LPCAT1: variants seen among roughly 807,000 people sequenced by gnomAD.
LPCAT1 encodes lysophosphatidylcholine acyltransferase 1, also known as 1-acylglycerol-3-phosphate O-acyltransferase.
In LPCAT1, 23 loss-of-function variants were observed where a neutral mutation model predicts 60.9. The observed-to-expected ratio is 0.38, with a 90% confidence interval of 0.27 to 0.53. The LOEUF (loss-of-function observed/expected upper bound fraction) is 0.53, where lower values mean the gene tolerates loss of function less well. LPCAT1 is among the 20% of genes least tolerant of loss of function. The pLI is 0.82. For synonymous variants in LPCAT1, 340 were observed against 301.1 expected, an observed-to-expected ratio of 1.13 and a Z score of -1.34; for missense variants, 622 against 723.6, an observed-to-expected ratio of 0.86 and a Z score of 1.61.
At chr5:1,499,515 C>T (rs1735928520) in intron 2 of LPCAT1, among the ~76,000 whole-genome samples, 1 of 152,212 alleles carries the variant, frequency 6.6e-6, no homozygotes, top group Non-Finnish European at 1.5e-5. Flanking sequence ...ATTTGATACC[C>T]AATTCCTATT....
chr5:1,496,611 C>G lies in LPCAT1; in HGVS notation c.279-1697G>C, dbSNP rs982164896. On this transcript the variant is annotated intron_variant, in intron 2 of 13. Transcript: ENST00000283415. This position sits in a 1 kb window ranked among gnomAD's most constrained non-coding sequence, Gnocchi z 4.7. ...AAAAGGGATTAAAACCCGGGCGGCCCTTAGAGGAACACACCTGCCAGCCCC... is the reference window on the plus strand; with the variant it reads ...AAAAGGGATTAAAACCCGGGCGGCCGTTAGAGGAACACACCTGCCAGCCCC... 3.3e-5 allele frequency among the ~76,000 whole-genome samples: 5 copies of G among 152,048 alleles called. No individual in the cohort carries two copies. The highest frequency in any genetic ancestry group is 1.3e-4 in the Admixed American group (2 of 15,270).
rs376867191 is a variant in LPCAT1 at position 1,496,898 on chromosome 5, C to T, written c.279-1984G>A. Reference sequence around the variant, plus strand: ...CAGGGTGCTCAGGTGCCTGGGCAGCCCATTCCCAGGGGAATGTGAATCAGG... The same window carrying T: ...CAGGGTGCTCAGGTGCCTGGGCAGCTCATTCCCAGGGGAATGTGAATCAGG... On this transcript the variant is annotated intron_variant, in intron 2 of 13. Coordinates refer to ENST00000283415, the MANE Select transcript of LPCAT1 (RefSeq NM_024830.5). This position sits in a 1 kb window ranked among gnomAD's most constrained non-coding sequence, Gnocchi z 4.7. Among the ~76,000 whole-genome samples, 6 of 152,174 alleles carry T rather than the reference C, an allele frequency of 3.9e-5. No individual in the cohort carries two copies. Among genetic ancestry groups the T allele is most frequent in the African/African-American group, 1.4e-4 (6 of 41,434 alleles).
Position 1,470,852 on chromosome 5 carries a change from G to C in LPCAT1, c.1252C>G (p.Leu418Val). 1 of 1,613,744 alleles carries C rather than the reference G, an allele frequency of 6.2e-7. No individual in the cohort carries two copies. The highest frequency in any genetic ancestry group is 1.1e-5 in the South Asian group (1 of 91,084). Residue 418 changes from leucine to valine, a missense_variant, in exon 12 of 14, where the codon CTG (leucine) becomes GTG (valine). Coordinates refer to ENST00000283415, the MANE Select transcript of LPCAT1 (RefSeq NM_024830.5). Reference sequence around the variant, plus strand: ...TTGAAAGCCAGCTGGATGGTGTCCAGGGTCCGGGCCGGCCGGCAGACGACA... The same window carrying C: ...TTGAAAGCCAGCTGGATGGTGTCCACGGTCCGGGCCGGCCGGCAGACGACA... ...LSVVCRPART[L>V]DTIQLAFKMY... is the part of the protein sequence containing the mutation.
intron 1 of LPCAT1, among the ~76,000 whole-genome samples, chr5:1,512,365 C>T (rs987651153): frequency 2.6e-5 from 4 of 152,302 alleles, no homozygotes; most frequent in Middle Eastern, 3.4e-3. Flanking sequence ...GGTCACAAGG[C>T]CCCGGCCCAA....
At position 1,523,795 on chromosome 5, in the gene LPCAT1, C is replaced by T; in HGVS notation, c.50G>A (p.Gly17Glu). ...CGCCAGCAGCCGAGCGTCGCTGGCC[C>T]CTGCGCTGGAGGCAGGGGCGGCCCG... ...GPRAAPASSA[G>E]ASDARLLAPP... is the part of the protein sequence containing the mutation. Residue 17 changes from glycine (G) to glutamate (E), a missense_variant, in exon 1 of 14, where the codon GGG becomes GAG. Transcript: ENST00000283415. The surrounding 1 kb of genome is among the most constrained non-coding windows in gnomAD (Gnocchi z 7.1). 1 of 1,116,204 alleles carries T rather than the reference C, an allele frequency of 9.0e-7. No individual in the cohort carries two copies. The highest frequency in any genetic ancestry group is 4.0e-4 in the Middle Eastern group (1 of 2,530). 69.1% of individuals were successfully genotyped at this position (1,116,204 alleles called of 1,614,324 possible).
Position 1,523,646 on chromosome 5 carries a change from TC to T in LPCAT1, c.135+63del. 1 of 1,035,730 alleles carries T rather than the reference TC, an allele frequency of 9.7e-7. No individual in the cohort carries two copies. The highest frequency in any genetic ancestry group is 4.3e-5 in the South Asian group (1 of 23,368). 64.2% of individuals were successfully genotyped at this position (1,035,730 alleles called of 1,614,324 possible). A position where few individuals can be genotyped will look rare whatever the true frequency, so the allele number is the denominator to read the frequency against. On this transcript the variant is annotated intron_variant, in intron 1 of 13. Coordinates refer to ENST00000283415, the MANE Select transcript of LPCAT1 (RefSeq NM_024830.5). The surrounding 1 kb of genome is among the most constrained non-coding windows in gnomAD (Gnocchi z 7.1). ...TCCCCGGCCCCTCCTCGGCCGCGCC[TC>T]CCTGGCCCCAGCATCCCTGGCGTCC... is the stretch of plus-strand genomic sequence containing the variant.
At chr5:1,471,569 G>A (rs1734669454) in intron 11 of LPCAT1, among the ~76,000 whole-genome samples, 1 of 152,230 alleles carries the variant, frequency 6.6e-6, no homozygotes. Context: ...CAGGGCGGGA[G>A]GAGGTGAGGA....
intron 1 of LPCAT1, among the ~76,000 whole-genome samples, chr5:1,509,967 C>T (rs1410468249): frequency 6.6e-6 from 1 of 152,184 alleles, no homozygotes; most frequent in Non-Finnish European, 1.5e-5. Flanking sequence ...GGCCACATCA[C>T]GGGGACGGTT....
intron 1 of LPCAT1, 85 bp from the exon 2 acceptor site, chr5:1,501,688 C>A: frequency 1.5e-6 from 2 of 1,364,076 alleles, no homozygotes; most frequent in Non-Finnish European, 2.1e-6. Context: ...CCCAGGGGGA[C>A]AGCGCGCCCC....
intron 13 of LPCAT1, among the ~76,000 whole-genome samples, chr5:1,464,443 G>A (rs1197799205): frequency 6.6e-6 from 1 of 152,170 alleles, no homozygotes; most frequent in Non-Finnish European, 1.5e-5. Flanking sequence ...AGAAATCCAG[G>A]GATGGTTGTT....
rs982807963 is a variant in LPCAT1, at chr5:1,477,025, C to T, written c.899+379G>A. 2.0e-5 allele frequency among the ~76,000 whole-genome samples: 3 copies of T among 152,172 alleles called. No individual in the cohort carries two copies. The highest frequency in any genetic ancestry group is 4.4e-5 in the Non-Finnish European group (3 of 68,034). On this transcript the variant is annotated intron_variant, in intron 9 of 13. Coordinates refer to ENST00000283415, the MANE Select transcript of LPCAT1 (RefSeq NM_024830.5). The surrounding 1 kb of genome is among the most constrained non-coding windows in gnomAD (Gnocchi z 6.0). ...ACTCTGCCAGATAGAGTAAGGGCAC[C>T]GGTAAGTATCACACAGGCAGATGAG...
chr5:1,488,275 G>A, intron 5 of LPCAT1, 116 bp downstream of exon 5: 3 of 610,096 alleles, frequency 4.9e-6, no homozygotes, highest in Admixed American at 3.2e-5. Flanking sequence ...AAGAACCCCA[G>A]CACACAGGAT....
Position 1,480,466 on chromosome 5 carries a change from C to T in LPCAT1, c.761+476G>A, listed in dbSNP as rs1262252620. 2.9e-6 allele frequency: 2 copies of T among 680,294 alleles called. No individual in the cohort carries two copies. Among genetic ancestry groups the T allele is most frequent in the Non-Finnish European group, 3.6e-6 (2 of 551,426 alleles). The allele number at this position is 680,294 out of a possible 1,614,324, so 42.1% of individuals were successfully genotyped here. A position where few individuals can be genotyped will look rare whatever the true frequency, so the allele number is the denominator to read the frequency against. On this transcript the variant is annotated intron_variant, in intron 7 of 13. Transcript: ENST00000283415. This position sits in a 1 kb window ranked among gnomAD's most constrained non-coding sequence, Gnocchi z 6.4. The stretch of plus-strand genomic sequence containing the variant: ...GTGGCCCCGGGCTTCTCCTCTGGGG[C>T]TCGTTCCCGTTTCCGTGGGGTTGTT...
At position 1,523,387 on chromosome 5, in the gene LPCAT1, T is replaced by G. The variant is rs955849937; in HGVS notation, c.135+323A>C. 6.6e-6 allele frequency among the ~76,000 whole-genome samples: 1 copy of G among 150,604 alleles called. No homozygotes were observed. The highest frequency in any genetic ancestry group is 2.4e-5 in the African/African-American group (1 of 40,988). ...GGGGCTCTGGGAGGCAGAGAAAGGGTTGTGGGCCCGGTTCAGGGTGCAGGG... is the reference window on the plus strand; with the variant it reads ...GGGGCTCTGGGAGGCAGAGAAAGGGGTGTGGGCCCGGTTCAGGGTGCAGGG... On this transcript the variant is annotated intron_variant, in intron 1 of 13. Coordinates refer to ENST00000283415, the MANE Select transcript of LPCAT1 (RefSeq NM_024830.5). The surrounding 1 kb of genome is among the most constrained non-coding windows in gnomAD (Gnocchi z 7.1).
intron 3 of LPCAT1, among the ~76,000 whole-genome samples, chr5:1,490,840 C>G (rs1735550333): frequency 3.3e-5 from 5 of 152,114 alleles, no homozygotes; most frequent in Admixed American, 3.3e-4. Flanking sequence ...AGTGGAGCTT[C>G]CTTTTTGAGG....
At chr5:1,489,376 A>G (rs373375404) in intron 4 of LPCAT1, among the ~76,000 whole-genome samples, 2 of 152,238 alleles carry the variant, frequency 1.3e-5, no homozygotes, top group Admixed American at 1.3e-4. Context: ...ACCAGCATAC[A>G]GACCAGGAAG....
At chr5:1,511,474 C>A (rs1736355308) in intron 1 of LPCAT1, among the ~76,000 whole-genome samples, 2 of 151,806 alleles carry the variant, frequency 1.3e-5, no homozygotes, top group Non-Finnish European at 1.5e-5. Context: ...CCTCGCTCAC[C>A]CTACTTGGGG....
chr5:1,467,867 C>A (rs370300804), intron 12 of LPCAT1, among the ~76,000 whole-genome samples: 1 of 152,122 alleles, frequency 6.6e-6, no homozygotes, highest in African/African-American at 2.4e-5. Flanking sequence ...TGCACCATCC[C>A]CCGCCGCCCT....
chr5:1,479,741 A>T lies in LPCAT1; in HGVS notation c.762-66T>A. 4.8e-6 allele frequency: 6 copies of T among 1,256,122 alleles called. No homozygotes were observed. In the South Asian group the frequency reaches 6.2e-5, roughly 13 times the overall value. The allele number at this position is 1,256,122 out of a possible 1,614,324, so 77.8% of individuals were successfully genotyped here. ...CGGGTTAACAAGTAAATTACTCCCA[A>T]TTCTGGGGTGAAACCTCCAGACGCG... is the stretch of plus-strand genomic sequence containing the variant. On this transcript the variant is annotated intron_variant, in intron 7 of 13. Transcript: ENST00000283415.
Sources: allele counts gnomAD v4.1 joint callset (sites outside exome capture counted in the v4.1 genomes callset), GRCh38; gene constraint gnomAD v4.1.1; non-coding constraint Gnocchi (gnomAD v3.1); transcripts MANE v1.5; gene names NCBI Gene and HGNC (gene_info 2026-07-23, HGNC 2026-07-21).